The following TMEM65 variants were observed in gnomAD, a reference collection of about 807,000 sequenced individuals.
The protein encoded by TMEM65 is transmembrane protein 65.
In TMEM65, 22 loss-of-function variants were observed where a neutral mutation model predicts 25.4. The observed-to-expected ratio is 0.86, with a 90% CI of 0.62 to 1.23. The LOEUF (loss-of-function observed/expected upper bound fraction) is 1.23. TMEM65 is among the 50% of genes most tolerant of loss of function. The pLI is 0.00. For missense variants in TMEM65, 262 were observed against 308.2 expected, an observed-to-expected ratio of 0.85 and a Z score of 1.12; for synonymous variants, 132 against 126.2, an observed-to-expected ratio of 1.05 and a Z score of -0.31.
chr8:124,360,354 C>T (rs1814843669), intron 1 of TMEM65, among the ~76,000 whole-genome samples: 2 of 145,994 alleles, frequency 1.4e-5, no homozygotes, highest in African/African-American at 5.1e-5. Context: ...CGCTTGAACC[C>T]AGAAGGCAGA....
At chr8:124,361,200 G>T (rs770109065) in intron 1 of TMEM65, among the ~76,000 whole-genome samples, 1 of 149,696 alleles carries the variant, frequency 6.7e-6, no homozygotes, top group African/African-American at 2.5e-5. Context: ...TTGGGAGGCC[G>T]AGGCGGGTAG....
chr8:124,334,665 G>A (rs1432675411), intron 1 of TMEM65, among the ~76,000 whole-genome samples: 1 of 149,896 alleles, frequency 6.7e-6, no homozygotes, highest in Non-Finnish European at 1.5e-5. Flanking sequence ...TCAGGAGGCT[G>A]CGGCAGGAGA....
intron 5 of TMEM65, among the ~76,000 whole-genome samples, chr8:124,320,974 C>T (rs986015433): frequency 4.6e-5 from 7 of 152,066 alleles, no homozygotes; most frequent in African/African-American, 2.4e-5. Context: ...CAATATATAG[C>T]TAAATGGCTT....
intron 1 of TMEM65, among the ~76,000 whole-genome samples, chr8:124,355,117 A>ATGG (rs1038834520): frequency 6.6e-5 from 10 of 152,326 alleles, no homozygotes; most frequent in African/African-American, 2.2e-4. Flanking sequence ...GGGAAGTAAA[A>ATGG]GAAGATAGGC....
chr8:124,316,711 C>T (rs1268552518), intron 6 of TMEM65, among the ~76,000 whole-genome samples: 1 of 151,956 alleles, frequency 6.6e-6, no homozygotes, highest in Non-Finnish European at 1.5e-5. Context: ...ATTATTATGC[C>T]CCAGGAAAAT....
chr8:124,324,800 T>G (rs72711166), intron 3 of TMEM65, among the ~76,000 whole-genome samples: 47,456 of 151,864 alleles, frequency 0.31, 9,033 homozygotes, highest in Non-Finnish European at 0.43. Context: ...ACTTCTTTAC[T>G]GTGTCCCATA....
chr8:124,313,791 G>A lies in TMEM65; in HGVS notation c.*169C>T. On this transcript the variant is annotated 3_prime_UTR_variant, in exon 7 of 7. Coordinates refer to ENST00000297632, the MANE Select transcript of TMEM65 (RefSeq NM_194291.3). ...TGATACTAAACAGCTTTTTAAAAAA[G>A]ATGTCCTAAGAAGATCAAGCCACAA... The A allele has an allele frequency of 1.8e-6, 1 of 553,198 alleles. No individual in the cohort carries two copies. The highest frequency in any genetic ancestry group is 3.2e-6 in the Non-Finnish European group (1 of 313,674). 34.3% of individuals were successfully genotyped at this position (553,198 alleles called of 1,614,324 possible). A position where few individuals can be genotyped will look rare whatever the true frequency, so the allele number is the denominator to read the frequency against.
At chr8:124,322,954 C>G (rs950656337) in intron 4 of TMEM65, among the ~76,000 whole-genome samples, 1 of 151,858 alleles carries the variant, frequency 6.6e-6, no homozygotes, top group Non-Finnish European at 1.5e-5. Flanking sequence ...GAGATTGCAC[C>G]ACTGAACTGC....
At chr8:124,344,519 T>C (rs1436786433) in intron 1 of TMEM65, among the ~76,000 whole-genome samples, 1 of 152,202 alleles carries the variant, frequency 6.6e-6, no homozygotes, top group Non-Finnish European at 1.5e-5. Context: ...ATCATTCCTT[T>C]GGACTCTGCT....
intron 1 of TMEM65, among the ~76,000 whole-genome samples, chr8:124,356,062 G>C (rs1440129934): frequency 6.6e-6 from 1 of 152,198 alleles, no homozygotes; most frequent in African/African-American, 2.4e-5. Flanking sequence ...GGAAGAACAT[G>C]AAACTCTACC....
At position 124,321,579 on chromosome 8, in the gene TMEM65, T is replaced by C. The variant is rs1464999032; in HGVS notation, c.515+526A>G. Reference sequence around the variant, plus strand: ...AGCAAAAAACAGCCAAACCCATATATGCTTTGGCCATTATTTCCTTTGAAA... The same window carrying C: ...AGCAAAAAACAGCCAAACCCATATACGCTTTGGCCATTATTTCCTTTGAAA... On this transcript the variant is annotated intron_variant, in intron 5 of 6. Transcript: ENST00000297632. Among the ~76,000 whole-genome samples the C allele has an allele frequency of 3.3e-5, 5 of 152,106 alleles. No individual in the cohort carries two copies. The East Asian group carries it at 5.8e-4, about 18-fold the overall frequency.
At chr8:124,323,554 T>C (rs1162006639) in intron 3 of TMEM65, among the ~76,000 whole-genome samples, 179 bp from the exon 4 acceptor site, 1 of 152,134 alleles carries the variant, frequency 6.6e-6, no homozygotes, top group Non-Finnish European at 1.5e-5. Flanking sequence ...TATGCATTCA[T>C]ACAGAAATAA....
Position 124,372,230 on chromosome 8 carries a change from G to A in TMEM65, c.-73C>T. ...TCTGGCGCGGCTGAGGCGAGAAGGA[G>A]CTGGGCTCAGCTCGACCCCGCCCCG... On this transcript the variant is annotated 5_prime_UTR_variant, in exon 1 of 7. Coordinates refer to ENST00000297632, the MANE Select transcript of TMEM65 (RefSeq NM_194291.3). 4.2e-6 allele frequency: 5 copies of A among 1,199,530 alleles called. No homozygotes were observed. Among genetic ancestry groups the A allele is most frequent in the Non-Finnish European group, 5.2e-6 (5 of 959,188 alleles). The allele number at this position is 1,199,530 out of a possible 1,614,324, so 74.3% of individuals were successfully genotyped here.
chr8:124,315,306 ATCCTACAGTT>A (rs1814219944), intron 6 of TMEM65, among the ~76,000 whole-genome samples: 1 of 125,542 alleles, frequency 8.0e-6, no homozygotes, highest in South Asian at 2.9e-4. Flanking sequence ...TAGCTATCAT[ATCCTACAGTT>A]TTTTTTTTGT....
intron 1 of TMEM65, among the ~76,000 whole-genome samples, chr8:124,359,941 T>C (rs528951054): frequency 6.6e-6 from 1 of 152,286 alleles, no homozygotes; most frequent in East Asian, 1.9e-4. Flanking sequence ...AGCTATCATA[T>C]TGAGTCTAGG....
In TMEM65 at chr8:124,330,755, C is replaced by G. The variant is rs1814421819; in HGVS notation, c.342G>C (p.Leu114=). 2 of 1,590,384 alleles carry G rather than the reference C, an allele frequency of 1.3e-6. No homozygotes were observed. The highest frequency in any genetic ancestry group is 1.7e-6 in the Non-Finnish European group (2 of 1,171,312). Residue 114 remains leucine, a synonymous_variant, in exon 2 of 7, where the codon CTG becomes CTC. Coordinates refer to ENST00000297632, the MANE Select transcript of TMEM65 (RefSeq NM_194291.3). ...CAATTATAGAACCATTACCATATCT[C>G]AGCTGTCCTGGGGTGGGTGGTGGAG... ...LEAPPPTPGQ[L]RYVFIHNAIP...
rs1325198046 is a variant in TMEM65 at position 124,320,211 on chromosome 8, TATG to T, written c.516-23_516-21del. 6.4e-7 allele frequency: 1 copy of T among 1,564,670 alleles called. No individual in the cohort carries two copies. Among genetic ancestry groups the T allele is most frequent in the Non-Finnish European group, 8.8e-7 (1 of 1,137,576 alleles). ...GCAAGTCTTTGAAGAAACAAGACAA[TATG>T]ATATATAGGTTATGTTTCAATAAAG... On this transcript the variant is annotated intron_variant, in intron 5 of 6. Coordinates refer to ENST00000297632, the MANE Select transcript of TMEM65 (RefSeq NM_194291.3).
Position 124,330,838 on chromosome 8 carries a change from C to A in TMEM65, c.305-46G>T, listed in dbSNP as rs75042459. 2,066 of 1,503,704 alleles carry A rather than the reference C, an allele frequency of 1.4e-3. 12 individuals are homozygous for A. In the African/African-American group the frequency reaches 0.019, roughly 14 times the overall value. The allele number at this position is 1,503,704 out of a possible 1,614,324, so 93.1% of individuals were successfully genotyped here. ...GTGGGGCAAGAATTAGTTACTACAG[C>A]GTGATATTTTTTATTACAATGAAGA... On this transcript the variant is annotated intron_variant, in intron 1 of 6. Transcript: ENST00000297632.
rs1422499315 is a variant in TMEM65 at position 124,371,834 on chromosome 8, C to A, written c.304+20G>T. The A allele has an allele frequency of 3.3e-6, 5 of 1,504,350 alleles. No individual in the cohort carries two copies. Among genetic ancestry groups the A allele is most frequent in the Non-Finnish European group, 4.4e-6 (5 of 1,132,348 alleles). 93.2% of individuals were successfully genotyped at this position (1,504,350 alleles called of 1,614,324 possible). A position where few individuals can be genotyped will look rare whatever the true frequency, so the allele number is the denominator to read the frequency against. On this transcript the variant is annotated intron_variant, in intron 1 of 6. Transcript: ENST00000297632. ...AGGGCGTCGGGGCCCCCGGGCTCGC[C>A]CCCCACCTGCCCCCCTTACCTTGGG...
Sources: gnomAD v4.1 joint callset for allele counts (sites outside exome capture counted in the v4.1 genomes callset) on GRCh38, gnomAD v4.1.1 for gene constraint, MANE v1.5 for transcripts, NCBI Gene and HGNC (gene_info 2026-07-23, HGNC 2026-07-21) for gene names.